Variants in PAPPA2 observed in about 807,000 individuals in gnomAD.
PAPPA2 encodes pappalysin 2, also known as pappalysin-2.
A neutral mutation model predicts 176.4 loss-of-function variants in PAPPA2; 86 were observed. The observed-to-expected ratio is 0.49, with a 90% confidence interval of 0.41 to 0.58. The LOEUF (loss-of-function observed/expected upper bound fraction) is 0.58. PAPPA2 is among the 20% of genes least tolerant of loss of function. The pLI, the probability that PAPPA2 is intolerant of heterozygous loss-of-function variation, is 0.00. For missense variants in PAPPA2, 2,073 were observed against 2,256.9 expected, an observed-to-expected ratio of 0.92 and a Z score of 1.65; for synonymous variants, 809 against 852.2, an observed-to-expected ratio of 0.95 and a Z score of 0.88.
At chr1:176,756,803 C>T (rs183110062) in intron 14 of PAPPA2, among the ~76,000 whole-genome samples, 33 of 152,120 alleles carry the variant, frequency 2.2e-4, no homozygotes, top group East Asian at 1.4e-3. Context: ...GTTGGTTTGC[C>T]GCACCCATCA....
intron 1 of PAPPA2, among the ~76,000 whole-genome samples, chr1:176,475,750 G>C (rs1652087244): frequency 6.6e-6 from 1 of 152,140 alleles, no homozygotes; most frequent in South Asian, 2.1e-4. Context: ...GTGTTCTTTT[G>C]CTTTGTTTTT....
intron 1 of PAPPA2, among the ~76,000 whole-genome samples, chr1:176,484,179 G>A (rs979433145): frequency 6.6e-6 from 1 of 152,130 alleles, no homozygotes; most frequent in Non-Finnish European, 1.5e-5. Flanking sequence ...CTCCTCCTAT[G>A]TGCATAGTTT....
At chr1:176,655,469 A>T (rs1393543201) in intron 3 of PAPPA2, among the ~76,000 whole-genome samples, 1 of 151,882 alleles carries the variant, frequency 6.6e-6, no homozygotes, top group Non-Finnish European at 1.5e-5. Flanking sequence ...GGCAAAGGAA[A>T]TAAATAGGCA....
chr1:176,706,529 A>G, intron 10 of PAPPA2, 79 bp downstream of exon 10: 1 of 1,206,708 alleles, frequency 8.3e-7, no homozygotes, highest in Non-Finnish European at 1.2e-6. Context: ...ATATCCTGTA[A>G]CATCTAGCTT....
intron 1 of PAPPA2, among the ~76,000 whole-genome samples, chr1:176,500,195 T>G (rs958105754): frequency 6.6e-6 from 1 of 152,176 alleles, no homozygotes; most frequent in Non-Finnish European, 1.5e-5. Context: ...AGATATTTTC[T>G]TCCTTTTCCC....
At chr1:176,750,562 A>C (rs1171087376) in intron 14 of PAPPA2, among the ~76,000 whole-genome samples, 3 of 152,092 alleles carry the variant, frequency 2.0e-5, no homozygotes, top group Non-Finnish European at 4.4e-5. Context: ...CCGAGATCGC[A>C]CCACTGCACT....
chr1:176,799,930 TGG>T, intron 20 of PAPPA2, 129 bp from the exon 21 acceptor site: 1 of 875,110 alleles, frequency 1.1e-6, no homozygotes, highest in Non-Finnish European at 1.8e-6. Context: ...ATCCACTTTA[TGG>T]GACACAATTA....
At chr1:176,540,488 C>G (rs1192692748) in intron 1 of PAPPA2, among the ~76,000 whole-genome samples, 1 of 152,210 alleles carries the variant, frequency 6.6e-6, no homozygotes, top group Non-Finnish European at 1.5e-5. Flanking sequence ...AATTTATACA[C>G]TCTGTGTCTT....
chr1:176,652,260 A>G (rs751020837), intron 3 of PAPPA2, among the ~76,000 whole-genome samples: 1 of 151,430 alleles, frequency 6.6e-6, no homozygotes, highest in Non-Finnish European at 1.5e-5. Flanking sequence ...AGAATTAGCT[A>G]TTTACTTCAA....
chr1:176,776,913 T>C (rs1360297181), intron 17 of PAPPA2, among the ~76,000 whole-genome samples: 3 of 151,672 alleles, frequency 2.0e-5, no homozygotes, highest in East Asian at 3.9e-4. Context: ...TCCCCTATTA[T>C]AGATGAGGAA....
At chr1:176,647,838 G>T (rs1657497949) in intron 3 of PAPPA2, among the ~76,000 whole-genome samples, 1 of 151,392 alleles carries the variant, frequency 6.6e-6, no homozygotes, top group Non-Finnish European at 1.5e-5. Context: ...CATTTTGGCT[G>T]CTATAACTTT....
chr1:176,464,790 T>C (rs778314398), intron 1 of PAPPA2, among the ~76,000 whole-genome samples: 10 of 152,156 alleles, frequency 6.6e-5, no homozygotes, highest in Non-Finnish European at 1.5e-4. Context: ...TATAAATAGT[T>C]TTTTAATTAT....
chr1:176,494,380 G>A lies in PAPPA2; in HGVS notation c.-917+30962G>A, dbSNP rs572891571. ...AACACATAGGCACAATAGCATTAGG[G>A]CCTTCCAAGTTAAGCATGAGAAATT... On this transcript the variant is annotated intron_variant, in intron 1 of 22. Coordinates refer to ENST00000367662, the MANE Select transcript of PAPPA2 (RefSeq NM_020318.3). Among the ~76,000 whole-genome samples the A allele has an allele frequency of 1.3e-4, 20 of 152,150 alleles. 1 individual carries two copies. The highest frequency in any genetic ancestry group is 3.9e-4 in the Admixed American group (6 of 15,278).
At chr1:176,523,418 A>G (rs556986835) in intron 1 of PAPPA2, among the ~76,000 whole-genome samples, 8 of 152,226 alleles carry the variant, frequency 5.3e-5, no homozygotes, top group Non-Finnish European at 8.8e-5. Context: ...TTCTGAAAGT[A>G]AGACTGTGTC....
chr1:176,471,383 ACT>A (rs1208080350), intron 1 of PAPPA2, among the ~76,000 whole-genome samples: 4 of 152,120 alleles, frequency 2.6e-5, no homozygotes, highest in Non-Finnish European at 5.9e-5. Flanking sequence ...ACCCCAACAC[ACT>A]GTGTGTGTCT....
chr1:176,492,733 A>AT (rs1397478234), intron 1 of PAPPA2, among the ~76,000 whole-genome samples: 2 of 152,218 alleles, frequency 1.3e-5, no homozygotes, highest in Non-Finnish European at 2.9e-5. Flanking sequence ...TAAAGTAATC[A>AT]TAAAGTAATT....
At chr1:176,644,572 T>A (rs759389848) in intron 3 of PAPPA2, among the ~76,000 whole-genome samples, 4 of 151,780 alleles carry the variant, frequency 2.6e-5, no homozygotes, top group Non-Finnish European at 5.9e-5. Flanking sequence ...AAACATGTAG[T>A]CTATCATTAG....
At chr1:176,699,963 A>C (rs904543490) in intron 8 of PAPPA2, among the ~76,000 whole-genome samples, 3 of 152,212 alleles carry the variant, frequency 2.0e-5, no homozygotes, top group Admixed American at 6.5e-5. Flanking sequence ...CATAACATTT[A>C]TAAGGTATAG....
At chr1:176,726,435 A>C (rs889029562) in intron 12 of PAPPA2, among the ~76,000 whole-genome samples, 1 of 152,222 alleles carries the variant, frequency 6.6e-6, no homozygotes, top group African/African-American at 2.4e-5. Context: ...TGCTTATTGT[A>C]GTGTTCAAAA....
Sources: gnomAD v4.1 joint callset for allele counts (sites outside exome capture counted in the v4.1 genomes callset) on GRCh38, gnomAD v4.1.1 for gene constraint, MANE v1.5 for transcripts, NCBI Gene and HGNC (gene_info 2026-07-23, HGNC 2026-07-21) for gene names.